Variants in EBF1 observed in about 807,000 individuals in gnomAD.
EBF1 encodes the protein transcription factor COE1.
In EBF1, 10 loss-of-function variants were observed where a neutral mutation model predicts 68.4. That is an observed-to-expected ratio of 0.15 (90% confidence interval 0.09 to 0.25). EBF1 has a LOEUF of 0.25. Ranked by LOEUF, EBF1 falls within the 10% of genes least tolerant of loss-of-function variation. The pLI is 1.00. For missense variants in EBF1, 509 were observed against 794.4 expected (o/e 0.64, Z 4.32); for synonymous variants, 298 against 299.8 (o/e 0.99, Z 0.06).
intron 6 of EBF1, among the ~76,000 whole-genome samples, chr5:158,952,924 T>C (rs190075773): frequency 2.9e-4 from 44 of 152,210 alleles, no homozygotes; most frequent in Non-Finnish European, 4.9e-4. Flanking sequence ...AAACAACTTC[T>C]GCACCAAAGT....
chr5:158,946,591 G>A (rs934702511), intron 6 of EBF1, among the ~76,000 whole-genome samples: 3 of 152,206 alleles, frequency 2.0e-5, no homozygotes, highest in African/African-American at 7.2e-5. Context: ...CCAAATGCCA[G>A]CCAGAGCTCT....
chr5:158,883,443 C>T (rs1017143967), intron 6 of EBF1, among the ~76,000 whole-genome samples: 1 of 151,200 alleles, frequency 6.6e-6, no homozygotes, highest in East Asian at 1.9e-4. Context: ...TATACACATA[C>T]ACATATCAGT....
chr5:158,708,672 T>C (rs1758444696), intron 14 of EBF1, among the ~76,000 whole-genome samples: 2 of 152,048 alleles, frequency 1.3e-5, no homozygotes, highest in Admixed American at 1.3e-4. Context: ...CAGAGAAGAC[T>C]TCATAGAAGA....
At chr5:158,995,683 T>C (rs762436125) in intron 6 of EBF1, among the ~76,000 whole-genome samples, 13 of 152,134 alleles carry the variant, frequency 8.5e-5, no homozygotes, top group Non-Finnish European at 1.6e-4. Flanking sequence ...TACAGGGTCA[T>C]TGTAAGGATT....
At chr5:158,742,973 T>A (rs1043131021) in intron 10 of EBF1, among the ~76,000 whole-genome samples, 3 of 152,044 alleles carry the variant, frequency 2.0e-5, no homozygotes, top group African/African-American at 7.2e-5. Context: ...CTTAAGAAGA[T>A]GAAAAGAAAA....
intron 6 of EBF1, among the ~76,000 whole-genome samples, chr5:158,991,969 C>T (rs979585125): frequency 7.9e-5 from 12 of 152,130 alleles, no homozygotes; most frequent in Non-Finnish European, 1.6e-4. Flanking sequence ...CACCAACTTC[C>T]CAAGACTCAG....
intron 6 of EBF1, among the ~76,000 whole-genome samples, chr5:158,883,394 A>G (rs527772335): frequency 1.3e-5 from 2 of 151,488 alleles, no homozygotes; most frequent in East Asian, 3.9e-4. Context: ...ATACATACAT[A>G]CATGTGTGTA....
intron 6 of EBF1, among the ~76,000 whole-genome samples, chr5:158,959,451 C>A (rs1817742950): frequency 2.0e-5 from 3 of 151,932 alleles, no homozygotes; most frequent in Admixed American, 2.0e-4. Flanking sequence ...GCCACCACAC[C>A]TGGAAGATTT....
At chr5:158,923,644 GT>G (rs1808932537) in intron 6 of EBF1, among the ~76,000 whole-genome samples, 1 of 152,136 alleles carries the variant, frequency 6.6e-6, no homozygotes, top group African/African-American at 2.4e-5. Flanking sequence ...TATACTATTA[GT>G]TTCCTTAAGT....
chr5:158,925,706 C>T (rs1809551522), intron 6 of EBF1, among the ~76,000 whole-genome samples: 1 of 152,212 alleles, frequency 6.6e-6, no homozygotes, highest in African/African-American at 2.4e-5. Context: ...GCACCATCTC[C>T]AGATTTCCTA....
chr5:158,873,432 C>T (rs1168465577), intron 6 of EBF1, among the ~76,000 whole-genome samples: 1 of 152,148 alleles, frequency 6.6e-6, no homozygotes, highest in South Asian at 2.1e-4. Flanking sequence ...CTCATAACAG[C>T]ACCTTCAGAG....
At chr5:158,936,890 C>T (rs1812136222) in intron 6 of EBF1, among the ~76,000 whole-genome samples, 1 of 152,248 alleles carries the variant, frequency 6.6e-6, no homozygotes, top group Non-Finnish European at 1.5e-5. Flanking sequence ...AAAGCAAGCC[C>T]TGCAAAAGTA....
chr5:158,998,394 A>G (rs1351504454), intron 6 of EBF1, among the ~76,000 whole-genome samples: 3 of 152,074 alleles, frequency 2.0e-5, no homozygotes, highest in African/African-American at 7.2e-5. Context: ...TACGACACTA[A>G]CTACCTGAGA....
intron 4 of EBF1, 123 bp downstream of exon 4, chr5:159,095,497 G>T (rs1200675769): frequency 1.7e-6 from 2 of 1,153,224 alleles, no homozygotes; most frequent in Non-Finnish European, 2.5e-6. Flanking sequence ...AGTTTGGTCT[G>T]AGCCGCCCCC....
intron 6 of EBF1, among the ~76,000 whole-genome samples, chr5:158,861,534 C>T (rs1254519768): frequency 2.6e-5 from 4 of 152,186 alleles, no homozygotes; most frequent in African/African-American, 9.7e-5. Context: ...ATGTATGCTC[C>T]CTCCATTGGC....
intron 8 of EBF1, among the ~76,000 whole-genome samples, chr5:158,809,922 T>C (rs921525674): frequency 1.3e-5 from 2 of 152,164 alleles, no homozygotes; most frequent in African/African-American, 2.4e-5. Context: ...TACTAACAAA[T>C]AGACTATTCT....
chr5:159,040,462 A>G (rs1254830538), intron 6 of EBF1, among the ~76,000 whole-genome samples: 2 of 152,128 alleles, frequency 1.3e-5, no homozygotes, highest in Admixed American at 1.3e-4. Flanking sequence ...CTATCTTGAA[A>G]TCTTTCAGAA....
chr5:159,002,923 T>G (rs1561764050), intron 6 of EBF1, among the ~76,000 whole-genome samples: 1 of 152,232 alleles, frequency 6.6e-6, no homozygotes, highest in Non-Finnish European at 1.5e-5. Context: ...GGAAAGTTGA[T>G]TAAAATCGGT....
At chr5:158,992,224 GA>G (rs35596220) in intron 6 of EBF1, among the ~76,000 whole-genome samples, 18,274 of 139,152 alleles carry the variant, frequency 0.13, 1,339 homozygotes, top group Non-Finnish European at 0.18. Flanking sequence ...CCTTGTAAGG[GA>G]AAAAAAAAAA....
Sources: gnomAD v4.1 joint callset for allele counts (sites outside exome capture counted in the v4.1 genomes callset) on GRCh38, gnomAD v4.1.1 for gene constraint, MANE v1.5 for transcripts, NCBI Gene and HGNC (gene_info 2026-07-23, HGNC 2026-07-21) for gene names.